TAFA5: variants seen among roughly 807,000 people sequenced by gnomAD.
The protein encoded by TAFA5 is TAFA chemokine like family member 5.
In TAFA5, 6 loss-of-function variants were observed where a neutral mutation model predicts 15.3. The observed-to-expected ratio is 0.39, with a 90% CI of 0.21 to 0.77. The LOEUF (loss-of-function observed/expected upper bound fraction) is 0.77. Ranked by LOEUF, TAFA5 falls within the 30% of genes least tolerant of loss-of-function variation. The pLI is 0.41. For synonymous variants in TAFA5, 103 were observed against 80.7 expected, an observed-to-expected ratio of 1.28 and a Z score of -1.48; for missense variants, 161 against 193.1, an observed-to-expected ratio of 0.83 and a Z score of 0.98.
At chr22:48,576,238 TCCCC>T in intron 1 of TAFA5, 1 of 392,372 alleles carries the variant, frequency 2.5e-6, no homozygotes, top group Non-Finnish European at 3.8e-6. Context: ...TCTGCTAACC[TCCCC>T]GCCCCCGCCC....
At position 48,552,021 on chromosome 22, in the gene TAFA5, G is replaced by A. The variant is rs551662712; in HGVS notation, c.112+62317G>A. Reference sequence around the variant, plus strand: ...GCTGGCCCCACGCCCTGCGATGGCCGTTCAGCTCTGACTGTCCTCCCGGCA... The same window carrying A: ...GCTGGCCCCACGCCCTGCGATGGCCATTCAGCTCTGACTGTCCTCCCGGCA... On this transcript the variant is annotated intron_variant, in intron 1 of 3. Coordinates refer to ENST00000402357, the MANE Select transcript of TAFA5 (RefSeq NM_001082967.3). This position sits in a 1 kb window ranked among gnomAD's most constrained non-coding sequence, Gnocchi z 4.1. Among the ~76,000 whole-genome samples, 5 of 152,330 alleles carry A rather than the reference G, an allele frequency of 3.3e-5. No individual in the cohort carries two copies. The highest frequency in any genetic ancestry group is 3.9e-4 in the East Asian group (2 of 5,186).
At chr22:48,601,313 A>G (rs1026450830) in intron 1 of TAFA5, among the ~76,000 whole-genome samples, 2 of 151,864 alleles carry the variant, frequency 1.3e-5, no homozygotes, top group Non-Finnish European at 2.9e-5. Flanking sequence ...ATATATCCTT[A>G]TATCTTTTTT....
chr22:48,692,321 T>C (rs1429002342), intron 2 of TAFA5, among the ~76,000 whole-genome samples: 1 of 152,260 alleles, frequency 6.6e-6, no homozygotes, highest in East Asian at 1.9e-4. Flanking sequence ...CCCTCCTTGC[T>C]GTCAGGCTTA....
intron 2 of TAFA5, among the ~76,000 whole-genome samples, chr22:48,670,006 A>G (rs550164646): frequency 1.3e-5 from 2 of 151,828 alleles, no homozygotes; most frequent in South Asian, 2.1e-4. Context: ...CTGCCCCTCA[A>G]CTCCCAAGCA....
chr22:48,697,888 CATG>C (rs1928768619), intron 2 of TAFA5, among the ~76,000 whole-genome samples: 1 of 144,526 alleles, frequency 6.9e-6, no homozygotes, highest in South Asian at 2.3e-4. Flanking sequence ...TAATAATTGT[CATG>C]ATGATGGTGG....
intron 3 of TAFA5, among the ~76,000 whole-genome samples, chr22:48,736,003 T>C (rs71311645): frequency 1.3e-3 from 37 of 27,692 alleles, no homozygotes; most frequent in African/African-American, 3.8e-3. Flanking sequence ...GAGTCCAGAG[T>C]CCATCCCCCC....
At chr22:48,663,798 T>A (rs1374413427) in intron 2 of TAFA5, among the ~76,000 whole-genome samples, 1 of 152,186 alleles carries the variant, frequency 6.6e-6, no homozygotes, top group East Asian at 1.9e-4. Flanking sequence ...GTAGCCGTCT[T>A]GGTTATCAGA....
intron 1 of TAFA5, among the ~76,000 whole-genome samples, chr22:48,575,835 C>T (rs1923759027): frequency 7.0e-6 from 1 of 143,392 alleles, no homozygotes; most frequent in Non-Finnish European, 1.5e-5. Flanking sequence ...AGCCCCGCGC[C>T]CGGCGCGCAG....
At chr22:48,568,644 C>T (rs1223737778) in intron 1 of TAFA5, among the ~76,000 whole-genome samples, 1 of 152,210 alleles carries the variant, frequency 6.6e-6, no homozygotes, top group African/African-American at 2.4e-5. Flanking sequence ...TGCTGTAATC[C>T]TTGCAGTGGG....
Position 48,530,107 on chromosome 22 carries a change from G to A in TAFA5, c.112+40403G>A, listed in dbSNP as rs531183748. ...TAGGGTGAGGGAAGCCCTGGCGTCT[G>A]CAGACCCTCCTGTACTGATGACCTG... On this transcript the variant is annotated intron_variant, in intron 1 of 3. Coordinates refer to ENST00000402357, the MANE Select transcript of TAFA5 (RefSeq NM_001082967.3). The surrounding 1 kb of genome is among the most constrained non-coding windows in gnomAD (Gnocchi z 6.0). Among the ~76,000 whole-genome samples the A allele has an allele frequency of 6.6e-5, 10 of 152,262 alleles. No individual in the cohort carries two copies. The South Asian group carries it at 2.1e-3, about 32-fold the overall frequency.
intron 1 of TAFA5, among the ~76,000 whole-genome samples, chr22:48,578,260 G>A (rs1469420290): frequency 1.3e-5 from 2 of 152,244 alleles, no homozygotes; most frequent in African/African-American, 4.8e-5. Flanking sequence ...CTTTGAAGCT[G>A]TGAGTTAGTA....
At position 48,742,806 on chromosome 22, in the gene TAFA5, A is replaced by G. The variant is rs748639545; in HGVS notation, c.391-7033A>G. 9.2e-5 allele frequency among the ~76,000 whole-genome samples: 14 copies of G among 152,170 alleles called. No homozygotes were observed. Among genetic ancestry groups the G allele is most frequent in the Non-Finnish European group, 7.4e-5 (5 of 68,002 alleles). On this transcript the variant is annotated intron_variant, in intron 3 of 3. Transcript: ENST00000402357. This position sits in a 1 kb window ranked among gnomAD's most constrained non-coding sequence, Gnocchi z 6.2. ...AGAGGAGAGATGGCCTGGGGTGCTCAGCGGGGCTGAGTCCCCAGCTGGGAG... is the reference window on the plus strand; with the variant it reads ...AGAGGAGAGATGGCCTGGGGTGCTCGGCGGGGCTGAGTCCCCAGCTGGGAG...
At chr22:48,508,000 G>A (rs556423530) in intron 1 of TAFA5, among the ~76,000 whole-genome samples, 214 of 152,226 alleles carry the variant, frequency 1.4e-3, no homozygotes, top group Middle Eastern at 6.8e-3. Flanking sequence ...AGAGCCGCCC[G>A]CATGCAGGGA....
rs1424953026 is a variant in TAFA5, at chr22:48,736,332, CATCCCCCCAGGAGGAATGAGAATCGCA to C, written c.391-13506_391-13480del. ...GAATGAGAATCGCACTCCTAGAGTC[CATCCCCCCAGGAGGAATGAGAATCGCA>C]CTCCTAGAGTCCATCCCCCCAGGAG... On this transcript the variant is annotated intron_variant, in intron 3 of 3. Coordinates refer to ENST00000402357, the MANE Select transcript of TAFA5 (RefSeq NM_001082967.3). Among the ~76,000 whole-genome samples, 15 of 34,070 alleles carry C rather than the reference CATCCCCCCAGGAGGAATGAGAATCGCA, an allele frequency of 4.4e-4. 7 individuals carry two copies. The highest frequency in any genetic ancestry group is 2.1e-3 in the African/African-American group (10 of 4,840). The allele number at this position is 34,070 out of a possible 152,430, so 22.4% of individuals were successfully genotyped here. A position where few individuals can be genotyped will look rare whatever the true frequency, so the allele number is the denominator to read the frequency against.
intron 1 of TAFA5, among the ~76,000 whole-genome samples, chr22:48,635,639 G>A (rs905913158): frequency 1.1e-4 from 16 of 152,208 alleles, no homozygotes; most frequent in African/African-American, 3.6e-4. Context: ...TTGCACCCAT[G>A]CTCAGTCCTG....
rs184415192 is a variant in TAFA5, at chr22:48,739,224, G to T, written c.391-10615G>T. 1.6e-4 allele frequency among the ~76,000 whole-genome samples: 25 copies of T among 152,210 alleles called. No homozygotes were observed. In the East Asian group the frequency reaches 4.8e-3, roughly 29 times the overall value. On this transcript the variant is annotated intron_variant, in intron 3 of 3. Coordinates refer to ENST00000402357, the MANE Select transcript of TAFA5 (RefSeq NM_001082967.3). ...GGCAAAGAGAGGAAATATACCATTGGAAAGACAGAAATATAATTTTCCCAT... is the reference window on the plus strand; with the variant it reads ...GGCAAAGAGAGGAAATATACCATTGTAAAGACAGAAATATAATTTTCCCAT...
At chr22:48,611,576 G>A (rs988009450) in intron 1 of TAFA5, among the ~76,000 whole-genome samples, 13 of 152,104 alleles carry the variant, frequency 8.5e-5, no homozygotes, top group Non-Finnish European at 1.9e-4. Flanking sequence ...GAGAGTCTGT[G>A]TTTACCCTCC....
chr22:48,501,287 C>A (rs1164569000), intron 1 of TAFA5, among the ~76,000 whole-genome samples: 3 of 152,254 alleles, frequency 2.0e-5, no homozygotes, highest in African/African-American at 7.2e-5. Context: ...GCCCCCGAGG[C>A]CTTCAGTGTG....
Position 48,490,372 on chromosome 22 carries a change from G to A in TAFA5, c.112+668G>A, listed in dbSNP as rs1928105332. ...GACTGGCGCGGGCGCGGGCTGGGGT[G>A]GTGCGGGCCAGTGGGCGCCCGGGCG... On this transcript the variant is annotated intron_variant, in intron 1 of 3. Coordinates refer to ENST00000402357, the MANE Select transcript of TAFA5 (RefSeq NM_001082967.3). This position sits in a 1 kb window ranked among gnomAD's most constrained non-coding sequence, Gnocchi z 5.8. 6.6e-6 allele frequency among the ~76,000 whole-genome samples: 1 copy of A among 152,016 alleles called. No individual in the cohort carries two copies. The highest frequency in any genetic ancestry group is 6.5e-5 in the Admixed American group (1 of 15,272).
Sources: allele counts gnomAD v4.1 joint callset (sites outside exome capture counted in the v4.1 genomes callset), GRCh38; gene constraint gnomAD v4.1.1; non-coding constraint Gnocchi (gnomAD v3.1); transcripts MANE v1.5; gene names NCBI Gene and HGNC (gene_info 2026-07-23, HGNC 2026-07-21).